Variants in MAP4 observed in about 807,000 individuals in gnomAD.
MAP4 encodes microtubule associated protein 4, also known as microtubule-associated protein 4.
In MAP4, 76 loss-of-function variants were observed where a neutral mutation model predicts 170.2. The observed-to-expected ratio is 0.45, with a 90% CI of 0.37 to 0.54. MAP4 has a LOEUF of 0.54. MAP4 is among the 20% of genes least tolerant of loss of function. MAP4 has a pLI of 0.00. For synonymous variants in MAP4, 909 were observed against 994.5 expected, an observed-to-expected ratio of 0.91 and a Z score of 1.62; for missense variants, 2,506 against 2,748.0, an observed-to-expected ratio of 0.91 and a Z score of 1.97.
intron 1 of MAP4, among the ~76,000 whole-genome samples, chr3:48,060,323 G>A (rs2154557515): frequency 6.6e-6 from 1 of 152,000 alleles, no homozygotes; most frequent in South Asian, 2.1e-4. Context: ...CAAAACTGTG[G>A]AAGATTAAAA....
At chr3:47,896,585 G>A (rs2153216411) in intron 10 of MAP4, among the ~76,000 whole-genome samples, 1 of 152,070 alleles carries the variant, frequency 6.6e-6, no homozygotes, top group Non-Finnish European at 1.5e-5. Flanking sequence ...ATATGAAGTA[G>A]GTTTTCCTAC....
intron 1 of MAP4, among the ~76,000 whole-genome samples, chr3:48,056,518 G>A (rs1189023415): frequency 5.4e-5 from 4 of 74,516 alleles, no homozygotes; most frequent in African/African-American, 2.2e-4. Context: ...CCGGCCAGCC[G>A]CCCCGTCTGG....
At chr3:47,891,741 T>G (rs539892371) in intron 10 of MAP4, 2 of 1,536,628 alleles carry the variant, frequency 1.3e-6, no homozygotes, top group African/African-American at 2.7e-5. Flanking sequence ...ATTGGCGGAA[T>G]GGTGGTGGGT....
intron 10 of MAP4, chr3:47,892,731 CACA>C: frequency 1.5e-6 from 2 of 1,339,764 alleles, no homozygotes; most frequent in South Asian, 1.9e-5. Flanking sequence ...CTGCTTTCTG[CACA>C]ACAAAATGCT....
At chr3:47,999,845 TA>T (rs10707358) in intron 1 of MAP4, among the ~76,000 whole-genome samples, 55,686 of 147,738 alleles carry the variant, frequency 0.38, 11,156 homozygotes, top group African/African-American at 0.53. Flanking sequence ...AAATAAAGTT[TA>T]AAAAAAAAAA....
intron 1 of MAP4, among the ~76,000 whole-genome samples, chr3:48,071,439 C>A (rs1044709867): frequency 1.3e-5 from 2 of 151,758 alleles, no homozygotes; most frequent in East Asian, 3.9e-4. Context: ...TCCCAGATAC[C>A]CATAAGGCTG....
chr3:47,877,619 C>G (rs1559867595), intron 10 of MAP4, 96 bp from the exon 11 acceptor site: 1 of 741,780 alleles, frequency 1.3e-6, no homozygotes, highest in Non-Finnish European at 2.2e-6. Context: ...CACTAACTAG[C>G]ACTTCATTCT....
At position 47,918,748 on chromosome 3, in the gene MAP4, G is replaced by A; in HGVS notation, c.623C>T (p.Ala208Val). 6.2e-7 allele frequency: 1 copy of A among 1,610,482 alleles called. No individual in the cohort carries two copies. The highest frequency in any genetic ancestry group is 8.5e-7 in the Non-Finnish European group (1 of 1,176,806). ...CGTTGGCTGAGGAGGTTCTGCAACA[G>A]CCTCTGGGGAAACAAAGGACTCTGA... ...PHSESFVSPE[A>V]VAEPPQPTAV... The change falls in exon 6 of 21, where the codon GCT becomes GTT. Residue 208 changes from alanine (A) to valine (V), a missense_variant. Around this residue, in one of 3 missense-constraint regions of MAP4, gnomAD observed 2,008 missense variants for 2,206.0 expected, o/e 0.91. Transcript: ENST00000683076.
chr3:47,853,390 T>C (rs748590110), intron 19 of MAP4, 38 bp from the exon 20 acceptor site: 3 of 1,354,372 alleles, frequency 2.2e-6, no homozygotes, highest in African/African-American at 1.4e-5. Context: ...GCAGGGTCAG[T>C]CGAGGGGGGG....
At chr3:47,967,977 C>A in intron 3 of MAP4, among the ~76,000 whole-genome samples, 1 of 152,012 alleles carries the variant, frequency 6.6e-6, no homozygotes. Flanking sequence ...CACTTTAAAT[C>A]GTCCTACCAG....
intron 1 of MAP4, among the ~76,000 whole-genome samples, chr3:48,084,980 C>A (rs2100148372): frequency 6.6e-6 from 1 of 151,904 alleles, no homozygotes; most frequent in East Asian, 1.9e-4. Context: ...AACCCACTCA[C>A]TCCTAGCAAT....
chr3:48,018,982 C>T (rs1032048592), upstream of MAP4, among the ~76,000 whole-genome samples: 4 of 152,078 alleles, frequency 2.6e-5, no homozygotes, highest in Non-Finnish European at 4.4e-5. Context: ...AAAAATAGCT[C>T]TCTCTGCTTT....
intron 17 of MAP4, among the ~76,000 whole-genome samples, chr3:47,860,614 C>G (rs897597984): frequency 6.6e-6 from 1 of 152,132 alleles, no homozygotes; most frequent in Non-Finnish European, 1.5e-5. Flanking sequence ...TGTATTCCAG[C>G]TGGTAAATGA....
At chr3:47,879,828 C>G (rs1259759668) in intron 10 of MAP4, among the ~76,000 whole-genome samples, 1 of 152,184 alleles carries the variant, frequency 6.6e-6, no homozygotes, top group Middle Eastern at 3.2e-3. Context: ...ATGGCAACTA[C>G]TATGTTCTCC....
At chr3:47,923,203 T>A (rs1166190833) in intron 4 of MAP4, among the ~76,000 whole-genome samples, 1 of 151,982 alleles carries the variant, frequency 6.6e-6, no homozygotes, top group Non-Finnish European at 1.5e-5. Context: ...TTCCAACTAG[T>A]TCCTGAGTGA....
At position 48,060,413 on chromosome 3, in the gene MAP4, T is replaced by C. The variant is rs563641430; in HGVS notation, c.-20+28360A>G. ...ACTATAAAACTCCTAGAGGATAACA[T>C]AGAAGAAAATCTAGGTGACCTAGGG... On this transcript the variant is annotated intron_variant, in intron 1 of 18. Transcript: ENST00000360240. 9.9e-5 allele frequency among the ~76,000 whole-genome samples: 15 copies of C among 151,908 alleles called. 1 individual carries two copies. In the South Asian group the frequency reaches 1.5e-3, roughly 15 times the overall value.
intron 17 of MAP4, among the ~76,000 whole-genome samples, chr3:47,862,620 G>A (rs1160998437): frequency 2.6e-5 from 4 of 152,048 alleles, no homozygotes; most frequent in Non-Finnish European, 5.9e-5. Context: ...TGGTACTACA[G>A]GCACGTGCCA....
chr3:47,901,441 C>T (rs866422693), intron 10 of MAP4, among the ~76,000 whole-genome samples: 5 of 152,034 alleles, frequency 3.3e-5, no homozygotes, highest in Non-Finnish European at 7.4e-5. Flanking sequence ...TTCAGGAGGC[C>T]GAGGTGGACG....
intron 1 of MAP4, among the ~76,000 whole-genome samples, chr3:48,009,641 T>C (rs909852445): frequency 1.3e-5 from 2 of 152,186 alleles, no homozygotes; most frequent in African/African-American, 4.8e-5. Context: ...GGGAAAGTCC[T>C]CCAGAAGGCC....
Sources: gnomAD v4.1 joint callset for allele counts (sites outside exome capture counted in the v4.1 genomes callset) on GRCh38, gnomAD v4.1.1 for gene constraint, gnomAD v4.1.1 regional missense constraint, MANE v1.5 for transcripts, NCBI Gene and HGNC (gene_info 2026-07-23, HGNC 2026-07-21) for gene names.